Variants in CNTNAP2 observed in about 807,000 individuals in gnomAD.
CNTNAP2 encodes the protein contactin associated protein 2.
In CNTNAP2, 98 loss-of-function variants were observed where a neutral mutation model predicts 155.2. That is an observed-to-expected ratio of 0.63 (90% confidence interval 0.54 to 0.75). The LOEUF (loss-of-function observed/expected upper bound fraction) is 0.75. Ranked by LOEUF, CNTNAP2 falls within the 30% of genes least tolerant of loss-of-function variation. The pLI is 0.00. For synonymous variants in CNTNAP2, 651 were observed against 631.2 expected, an observed-to-expected ratio of 1.03 and a Z score of -0.47; for missense variants, 1,727 against 1,688.1, an observed-to-expected ratio of 1.02 and a Z score of -0.40.
intron 1 of CNTNAP2, among the ~76,000 whole-genome samples, chr7:146,727,309 T>C (rs1801448168): frequency 6.6e-6 from 1 of 152,172 alleles, no homozygotes; most frequent in Non-Finnish European, 1.5e-5. Flanking sequence ...CACAGAAGCT[T>C]AGGTGGTGTA....
rs185855150 is a variant in CNTNAP2, at chr7:146,304,175, G to C, written c.97+187202G>C. 3.2e-3 allele frequency among the ~76,000 whole-genome samples: 480 copies of C among 150,566 alleles called. 3 individuals carry two copies. Among genetic ancestry groups the C allele is most frequent in the African/African-American group, 0.011 (464 of 40,736 alleles). On this transcript the variant is annotated intron_variant, in intron 1 of 23. Coordinates refer to ENST00000361727, the MANE Select transcript of CNTNAP2 (RefSeq NM_014141.6). ...AGCCTATGTGTGTCTCTGCATGTGA[G>C]ATGGGTCTCCTGAATACAACACACT...
chr7:147,559,324 C>G (rs1800015018), intron 11 of CNTNAP2, among the ~76,000 whole-genome samples: 1 of 152,166 alleles, frequency 6.6e-6, no homozygotes, highest in African/African-American at 2.4e-5. Flanking sequence ...TTCACATTGG[C>G]AAGCAGCTGA....
chr7:146,468,444 G>GAA (rs551834208), intron 1 of CNTNAP2, among the ~76,000 whole-genome samples: 5 of 134,840 alleles, frequency 3.7e-5, no homozygotes, highest in Admixed American at 7.6e-5. Flanking sequence ...AAGTCAGGAA[G>GAA]AAAAAAAAAA....
At chr7:146,554,946 G>A (rs1056921737) in intron 1 of CNTNAP2, among the ~76,000 whole-genome samples, 1 of 152,174 alleles carries the variant, frequency 6.6e-6, no homozygotes, top group Non-Finnish European at 1.5e-5. Context: ...ATCATCCTGA[G>A]ATCTACTTAC....
At chr7:146,413,770 A>G (rs1393533312) in intron 1 of CNTNAP2, among the ~76,000 whole-genome samples, 1 of 151,294 alleles carries the variant, frequency 6.6e-6, no homozygotes, top group African/African-American at 2.5e-5. Flanking sequence ...CGAGTGGGGC[A>G]GAGAGAAGGG....
chr7:146,783,547 A>G (rs1802525346), intron 2 of CNTNAP2, among the ~76,000 whole-genome samples: 4 of 152,230 alleles, frequency 2.6e-5, no homozygotes, highest in Admixed American at 2.6e-4. Context: ...TGTTGAAAGC[A>G]AACTCACCAG....
chr7:146,523,215 G>A (rs1198883980), intron 1 of CNTNAP2, among the ~76,000 whole-genome samples: 1 of 151,956 alleles, frequency 6.6e-6, no homozygotes, highest in African/African-American at 2.4e-5. Context: ...TCATAGCTTA[G>A]ATAGAATAGC....
At chr7:147,779,406 T>C (rs1373075863) in intron 13 of CNTNAP2, among the ~76,000 whole-genome samples, 1 of 152,210 alleles carries the variant, frequency 6.6e-6, no homozygotes, top group Non-Finnish European at 1.5e-5. Flanking sequence ...GGTCGTAATG[T>C]TTATAAATTT....
intron 11 of CNTNAP2, among the ~76,000 whole-genome samples, chr7:147,500,650 C>A (rs974141890): frequency 6.6e-6 from 1 of 152,144 alleles, no homozygotes; most frequent in Admixed American, 6.5e-5. Context: ...CAAATATATA[C>A]ACATACCTCT....
At chr7:146,842,993 A>ATTTTTTTTTTTT in intron 3 of CNTNAP2, among the ~76,000 whole-genome samples, 1 of 24,208 alleles carries the variant, frequency 4.1e-5, no homozygotes, top group Non-Finnish European at 7.7e-5. Flanking sequence ...CCTGTCCCAC[A>ATTTTTTTTTTTT]CTTTTTTTTT....
chr7:147,322,338 G>A (rs1044446848), intron 9 of CNTNAP2, among the ~76,000 whole-genome samples: 1 of 152,162 alleles, frequency 6.6e-6, no homozygotes, highest in Admixed American at 6.5e-5. Flanking sequence ...TAGCATCTTT[G>A]TAATACTCCT....
chr7:146,703,050 A>G (rs970118620), intron 1 of CNTNAP2, among the ~76,000 whole-genome samples: 1 of 152,176 alleles, frequency 6.6e-6, no homozygotes, highest in Non-Finnish European at 1.5e-5. Context: ...AAAGCAAGTT[A>G]TCCTTCCAAT....
chr7:147,140,139 C>T (rs1801563525), intron 8 of CNTNAP2, among the ~76,000 whole-genome samples: 2 of 152,030 alleles, frequency 1.3e-5, no homozygotes, highest in African/African-American at 4.8e-5. Context: ...TAGATTCTTA[C>T]TGTAGCGCTT....
intron 19 of CNTNAP2, among the ~76,000 whole-genome samples, chr7:148,220,345 G>A (rs978583414): frequency 6.6e-6 from 1 of 152,126 alleles, no homozygotes; most frequent in South Asian, 2.1e-4. Flanking sequence ...CTCGTGATCC[G>A]CCCGCCTCGG....
At chr7:146,706,465 T>C (rs1027090758) in intron 1 of CNTNAP2, among the ~76,000 whole-genome samples, 25 of 152,152 alleles carry the variant, frequency 1.6e-4, no homozygotes, top group Non-Finnish European at 2.9e-5. Flanking sequence ...TGTCAAAGTG[T>C]TACAATCTGA....
In CNTNAP2 at chr7:147,721,388, T is replaced by C. The variant is rs536064453; in HGVS notation, c.2098+82082T>C. On this transcript the variant is annotated intron_variant, in intron 13 of 23. Coordinates refer to ENST00000361727, the MANE Select transcript of CNTNAP2 (RefSeq NM_014141.6). ...AATCACTTTTTAACCCTGTTAACTT[T>C]AGTCTCAAGTAAACAAAAAATTACT... Among the ~76,000 whole-genome samples, 16 of 152,242 alleles carry C rather than the reference T, an allele frequency of 1.1e-4. No individual in the cohort carries two copies. In the South Asian group the frequency reaches 3.3e-3, roughly 32 times the overall value.
chr7:146,284,086 C>A (rs1427084173), intron 1 of CNTNAP2, among the ~76,000 whole-genome samples: 1 of 152,136 alleles, frequency 6.6e-6, no homozygotes, highest in Non-Finnish European at 1.5e-5. Flanking sequence ...AATGTGAATT[C>A]ATCCACTATT....
At chr7:146,932,306 C>T (rs1796780834) in intron 3 of CNTNAP2, among the ~76,000 whole-genome samples, 2 of 151,630 alleles carry the variant, frequency 1.3e-5, no homozygotes, top group Non-Finnish European at 3.0e-5. Context: ...AAATGTAATC[C>T]AGCATATAAA....
intron 13 of CNTNAP2, among the ~76,000 whole-genome samples, chr7:147,878,516 T>A (rs1799464160): frequency 6.6e-6 from 1 of 152,112 alleles, no homozygotes; most frequent in Non-Finnish European, 1.5e-5. Context: ...TTTTTAGCAA[T>A]CTTTAGGGTC....
Sources: allele counts gnomAD v4.1 joint callset (sites outside exome capture counted in the v4.1 genomes callset), GRCh38; gene constraint gnomAD v4.1.1; transcripts MANE v1.5; gene names NCBI Gene and HGNC (gene_info 2026-07-23, HGNC 2026-07-21).